ZBTB20: variants seen among roughly 807,000 people sequenced by gnomAD.
ZBTB20 encodes the protein zinc finger and BTB domain containing 20.
A neutral mutation model predicts 56.9 loss-of-function variants in ZBTB20; 9 were observed. The ratio of observed to expected loss-of-function variants is 0.16; its 90% confidence interval spans 0.10 to 0.28. The LOEUF (loss-of-function observed/expected upper bound fraction) is 0.28, where lower values mean the gene tolerates loss of function less well. Ranked by LOEUF, ZBTB20 falls within the 10% of genes least tolerant of loss-of-function variation. The pLI is 1.00. For missense variants in ZBTB20, 655 were observed against 1,003.0 expected (o/e 0.65, Z 4.69); for synonymous variants, 417 against 420.7 (o/e 0.99, Z 0.11).
At chr3:114,341,695 T>C (rs968099100) in intron 11 of ZBTB20, among the ~76,000 whole-genome samples, 2 of 152,248 alleles carry the variant, frequency 1.3e-5, no homozygotes, top group African/African-American at 2.4e-5. Context: ...GCATGTAGTA[T>C]TGGTTCTACC....
intron 6 of ZBTB20, among the ~76,000 whole-genome samples, chr3:114,563,854 G>GA (rs1226306437): frequency 2.0e-5 from 3 of 152,116 alleles, no homozygotes; most frequent in African/African-American, 7.2e-5. Context: ...CTCTTAACTA[G>GA]ATAACTTTCA....
chr3:114,525,163 TG>T (rs551328669), intron 6 of ZBTB20, among the ~76,000 whole-genome samples: 52 of 151,858 alleles, frequency 3.4e-4, no homozygotes, highest in African/African-American at 5.3e-4. Context: ...CTTTTTTTGT[TG>T]GGGGGGGTGT....
intron 6 of ZBTB20, among the ~76,000 whole-genome samples, chr3:114,536,592 C>T (rs1397941799): frequency 1.3e-5 from 2 of 152,004 alleles, no homozygotes; most frequent in Non-Finnish European, 2.9e-5. Context: ...CAATGCTATC[C>T]CCATCAAGCT....
chr3:114,757,314 C>T (rs777242730), intron 5 of ZBTB20, among the ~76,000 whole-genome samples: 6 of 152,066 alleles, frequency 3.9e-5, no homozygotes, highest in Non-Finnish European at 7.4e-5. Flanking sequence ...ACTTACCATA[C>T]GTCAAAAAGG....
At chr3:114,432,941 G>C (rs1433144518) in intron 7 of ZBTB20, among the ~76,000 whole-genome samples, 1 of 152,116 alleles carries the variant, frequency 6.6e-6, no homozygotes, top group African/African-American at 2.4e-5. Context: ...TAAAAGCTTA[G>C]AGTAATAAAC....
At chr3:114,807,825 C>T (rs1448791617) in intron 4 of ZBTB20, among the ~76,000 whole-genome samples, 3 of 152,112 alleles carry the variant, frequency 2.0e-5, no homozygotes, top group African/African-American at 7.2e-5. Flanking sequence ...GTGAAACTCA[C>T]ATTCCTGGGA....
chr3:115,055,250 C>A (rs895862863), intron 2 of ZBTB20, among the ~76,000 whole-genome samples: 1 of 136,518 alleles, frequency 7.3e-6, no homozygotes, highest in Non-Finnish European at 1.5e-5. Context: ...TTGGAAGAAA[C>A]CAACTGTCAT....
At position 114,753,356 on chromosome 3, in the gene ZBTB20, T is replaced by C. The variant is rs1396854106; in HGVS notation, c.-343+47745A>G. On this transcript the variant is annotated intron_variant, in intron 5 of 11. Transcript: ENST00000675478. ...ATATAATGTATATATGTATACATTATATATAATGTATATATAATGTATATA... is the reference window on the plus strand; with the variant it reads ...ATATAATGTATATATGTATACATTACATATAATGTATATATAATGTATATA... Among the ~76,000 whole-genome samples, 201 of 143,534 alleles carry C rather than the reference T, an allele frequency of 1.4e-3. 53 individuals are homozygous for C. Among genetic ancestry groups the C allele is most frequent in the East Asian group, 1.6e-3 (8 of 4,962 alleles). 94.2% of individuals were successfully genotyped at this position (143,534 alleles called of 152,430 possible). A position where few individuals can be genotyped will look rare whatever the true frequency, so the allele number is the denominator to read the frequency against.
intron 1 of ZBTB20, among the ~76,000 whole-genome samples, chr3:115,138,606 C>T (rs1380180896): frequency 6.6e-6 from 1 of 151,982 alleles, no homozygotes; most frequent in Non-Finnish European, 1.5e-5. Context: ...TTTAATTTCC[C>T]ATGTGTTTTA....
rs1264403004 is a variant in ZBTB20, at chr3:114,332,739, C to A, written c.*6266G>T. 2 of 152,164 alleles carry A rather than the reference C, an allele frequency of 1.3e-5. No homozygotes were observed. The highest frequency in any genetic ancestry group is 1.3e-4 in the Admixed American group (2 of 15,282). The allele number at this position is 152,164 out of a possible 1,614,324, so 9.4% of individuals were successfully genotyped here. A position where few individuals can be genotyped will look rare whatever the true frequency, so the allele number is the denominator to read the frequency against. ...GGCAATAATGCTACACTATAAGTAG[C>A]CTTTTGTGAAAATACCTTAATTGAG... On this transcript the variant is annotated 3_prime_UTR_variant, in exon 12 of 12. Transcript: ENST00000675478.
At chr3:114,804,167 T>C (rs1399258370) in intron 4 of ZBTB20, among the ~76,000 whole-genome samples, 1 of 151,886 alleles carries the variant, frequency 6.6e-6, no homozygotes, top group Non-Finnish European at 1.5e-5. Flanking sequence ...GCAAATGCAT[T>C]ATATTGCAGT....
chr3:114,440,062 T>G (rs149135767), intron 7 of ZBTB20, among the ~76,000 whole-genome samples: 12 of 152,268 alleles, frequency 7.9e-5, no homozygotes, highest in African/African-American at 2.2e-4. Context: ...TTCAAGTGTT[T>G]TAACAAATGG....
intron 7 of ZBTB20, among the ~76,000 whole-genome samples, chr3:114,494,631 T>C (rs1273969052): frequency 6.6e-6 from 1 of 152,248 alleles, no homozygotes; most frequent in African/African-American, 2.4e-5. Context: ...CACAGGAGTT[T>C]AACCTCTTTG....
intron 2 of ZBTB20, among the ~76,000 whole-genome samples, chr3:114,977,163 T>TC (rs2078136570): frequency 6.6e-6 from 1 of 152,202 alleles, no homozygotes; most frequent in Non-Finnish European, 1.5e-5. Flanking sequence ...TCCATCAGAT[T>TC]AACACATTTT....
chr3:114,501,736 T>C (rs1253066412), intron 6 of ZBTB20, among the ~76,000 whole-genome samples: 6 of 135,934 alleles, frequency 4.4e-5, no homozygotes, highest in Non-Finnish European at 9.5e-5. Flanking sequence ...TGAGATGAAC[T>C]CTCCCTCTGT....
chr3:115,011,389 A>G (rs1010063587), intron 2 of ZBTB20, among the ~76,000 whole-genome samples: 1 of 151,920 alleles, frequency 6.6e-6, no homozygotes, highest in Non-Finnish European at 1.5e-5. Context: ...AGGATAAAAA[A>G]GGATCCTAAA....
intron 6 of ZBTB20, among the ~76,000 whole-genome samples, chr3:114,668,666 G>A (rs2061190660): frequency 6.6e-6 from 1 of 152,038 alleles, no homozygotes. Context: ...TTTGAGGCAG[G>A]AGATGTTGAA....
chr3:114,801,784 G>T (rs950383921), intron 4 of ZBTB20, among the ~76,000 whole-genome samples: 2 of 151,250 alleles, frequency 1.3e-5, no homozygotes, highest in African/African-American at 4.9e-5. Flanking sequence ...ACATCATATT[G>T]TACATCTTGT....
intron 6 of ZBTB20, among the ~76,000 whole-genome samples, chr3:114,555,691 G>GA (rs2051128073): frequency 6.6e-6 from 1 of 152,100 alleles, no homozygotes; most frequent in African/African-American, 2.4e-5. Flanking sequence ...TCAGGCATGG[G>GA]ATAATGCTCC....
Sources: gnomAD v4.1 joint callset for allele counts (sites outside exome capture counted in the v4.1 genomes callset) on GRCh38, gnomAD v4.1.1 for gene constraint, MANE v1.5 for transcripts, NCBI Gene and HGNC (gene_info 2026-07-23, HGNC 2026-07-21) for gene names.